The following EPHA3 variants were observed in gnomAD, a reference collection of about 807,000 sequenced individuals.
The protein encoded by EPHA3 is EPH receptor A3, also known as ephrin type-A receptor 3.
Under a neutral mutation model 107.1 loss-of-function variants are expected in EPHA3, and 42 were observed. The observed-to-expected ratio is 0.39, with a 90% CI of 0.31 to 0.51. The LOEUF (loss-of-function observed/expected upper bound fraction) is 0.51. Ranked by LOEUF, EPHA3 falls within the 20% of genes least tolerant of loss-of-function variation. EPHA3 has a pLI of 0.78. For missense variants in EPHA3, 1,183 were observed against 1,211.2 expected, an observed-to-expected ratio of 0.98 and a Z score of 0.35; for synonymous variants, 461 against 424.8, an observed-to-expected ratio of 1.09 and a Z score of -1.05.
chr3:89,111,411 A>T (rs1158223848), intron 1 of EPHA3, among the ~76,000 whole-genome samples: 1 of 151,992 alleles, frequency 6.6e-6, no homozygotes, highest in Non-Finnish European at 1.5e-5. Context: ...GAGGGTTTAC[A>T]TTTGCTTTTC....
intron 7 of EPHA3, among the ~76,000 whole-genome samples, chr3:89,401,985 T>A (rs1404036803): frequency 6.6e-6 from 1 of 152,204 alleles, no homozygotes; most frequent in Non-Finnish European, 1.5e-5. Context: ...ATTTATTGTG[T>A]CCTGTGGTAG....
At chr3:89,307,263 T>A (rs1354941028) in intron 3 of EPHA3, among the ~76,000 whole-genome samples, 1 of 152,172 alleles carries the variant, frequency 6.6e-6, no homozygotes, top group African/African-American at 2.4e-5. Context: ...GTAGCCAGCA[T>A]CCATAACTAG....
At chr3:89,378,691 C>T (rs1708447491) in intron 5 of EPHA3, among the ~76,000 whole-genome samples, 1 of 152,140 alleles carries the variant, frequency 6.6e-6, no homozygotes, top group Non-Finnish European at 1.5e-5. Context: ...ATTAGAAGTG[C>T]AGGAACCTAA....
At chr3:89,416,699 A>T (rs34096182) in intron 10 of EPHA3, among the ~76,000 whole-genome samples, 30,807 of 151,332 alleles carry the variant, frequency 0.2, 4,228 homozygotes, top group Middle Eastern at 0.35. Flanking sequence ...TGATGAAATA[A>T]TCACATTACT....
At chr3:89,266,518 C>A (rs1440735861) in intron 3 of EPHA3, among the ~76,000 whole-genome samples, 1 of 152,082 alleles carries the variant, frequency 6.6e-6, no homozygotes, top group African/African-American at 2.4e-5. Flanking sequence ...ACTTCAATTA[C>A]TACAGATTTT....
At chr3:89,304,422 A>G (rs1312200651) in intron 3 of EPHA3, among the ~76,000 whole-genome samples, 2 of 151,894 alleles carry the variant, frequency 1.3e-5, no homozygotes, top group Non-Finnish European at 1.5e-5. Flanking sequence ...ACTACCATAT[A>G]CAATTTGACT....
chr3:89,309,074 GTGA>G (rs1313931799), intron 3 of EPHA3, among the ~76,000 whole-genome samples: 3 of 152,090 alleles, frequency 2.0e-5, no homozygotes, highest in Non-Finnish European at 4.4e-5. Flanking sequence ...GAAGAAAGTA[GTGA>G]AAGTATCAAA....
intron 13 of EPHA3, among the ~76,000 whole-genome samples, chr3:89,440,451 T>G (rs1174108623): frequency 1.3e-5 from 2 of 152,196 alleles, no homozygotes; most frequent in Admixed American, 1.3e-4. Flanking sequence ...ATTTGGCAGC[T>G]ATGTGATATT....
chr3:89,313,497 CCTT>C (rs1190721632), intron 3 of EPHA3, among the ~76,000 whole-genome samples: 4 of 151,880 alleles, frequency 2.6e-5, no homozygotes, highest in Non-Finnish European at 4.4e-5. Flanking sequence ...CCTCCATTGA[CCTT>C]CTTGCATTAT....
chr3:89,285,109 C>T (rs191387006), intron 3 of EPHA3, among the ~76,000 whole-genome samples: 24 of 152,018 alleles, frequency 1.6e-4, no homozygotes, highest in Admixed American at 3.9e-4. Flanking sequence ...GGCAACAGAG[C>T]GAAACTCTGT....
chr3:89,244,384 A>G (rs1407730425), intron 3 of EPHA3, among the ~76,000 whole-genome samples: 3 of 152,086 alleles, frequency 2.0e-5, no homozygotes, highest in Non-Finnish European at 4.4e-5. Flanking sequence ...GATTTCTAAA[A>G]TGATATGAGC....
chr3:89,427,759 G>A (rs1709488779), intron 11 of EPHA3, among the ~76,000 whole-genome samples: 1 of 151,792 alleles, frequency 6.6e-6, no homozygotes, highest in Non-Finnish European at 1.5e-5. Flanking sequence ...TCAGTAAAAT[G>A]GGAATAATGC....
chr3:89,256,273 C>T (rs183652741), intron 3 of EPHA3, among the ~76,000 whole-genome samples: 1 of 151,764 alleles, frequency 6.6e-6, no homozygotes, highest in East Asian at 2.0e-4. Flanking sequence ...ATAGGCCAGG[C>T]ATGGTGGCTC....
chr3:89,178,182 AAAAC>A lies in EPHA3; in HGVS notation c.154-31674_154-31671del, dbSNP rs1705359453. 2.0e-5 allele frequency among the ~76,000 whole-genome samples: 3 copies of A among 152,238 alleles called. No individual in the cohort carries two copies. In the East Asian group the frequency reaches 5.8e-4, roughly 29 times the overall value. Reference sequence around the variant, plus strand: ...GCAGTTCCCCTGGCATGATGATTCTAAAACAAATATTTACTAGGAATAAATGACA... The same window carrying A: ...GCAGTTCCCCTGGCATGATGATTCTAAAATATTTACTAGGAATAAATGACA... On this transcript the variant is annotated intron_variant, in intron 2 of 16. Transcript: ENST00000336596.
intron 3 of EPHA3, among the ~76,000 whole-genome samples, chr3:89,257,184 T>C (rs779886445): frequency 1.3e-5 from 2 of 152,176 alleles, no homozygotes; most frequent in Non-Finnish European, 2.9e-5. Flanking sequence ...ATTCCCTTCT[T>C]CTAGCAGCTC....
chr3:89,324,438 T>C (rs560414009), intron 3 of EPHA3, among the ~76,000 whole-genome samples: 3 of 152,036 alleles, frequency 2.0e-5, no homozygotes, highest in African/African-American at 7.2e-5. Context: ...CCAGGCGCTG[T>C]GGCTCACGCT....
rs577324261 is a variant in EPHA3, at chr3:89,369,301, G to C, written c.1307-26536G>C. ...AGCATGGTACTGGTACCAAAACAGA[G>C]ATATAGATCAATGGAACAGAACAGA... is the stretch of plus-strand genomic sequence containing the variant. On this transcript the variant is annotated intron_variant, in intron 5 of 16. Transcript: ENST00000336596. Among the ~76,000 whole-genome samples, 33 of 150,528 alleles carry C rather than the reference G, an allele frequency of 2.2e-4. 1 individual carries two copies. Among genetic ancestry groups the C allele is most frequent in the African/African-American group, 7.8e-4 (32 of 41,248 alleles).
At chr3:89,287,286 G>T (rs929856264) in intron 3 of EPHA3, among the ~76,000 whole-genome samples, 1 of 152,128 alleles carries the variant, frequency 6.6e-6, no homozygotes, top group Non-Finnish European at 1.5e-5. Flanking sequence ...GAATTTTACA[G>T]ATGGGATCAT....
intron 2 of EPHA3, among the ~76,000 whole-genome samples, chr3:89,153,306 G>A (rs191610154): frequency 2.2e-4 from 33 of 152,042 alleles, no homozygotes; most frequent in South Asian, 6.2e-4. Context: ...TCACACTTGC[G>A]GGTCCTTCTT....
Sources: allele counts gnomAD v4.1 joint callset (sites outside exome capture counted in the v4.1 genomes callset), GRCh38; gene constraint gnomAD v4.1.1; transcripts MANE v1.5; gene names NCBI Gene and HGNC (gene_info 2026-07-23, HGNC 2026-07-21).